Variants in UTRN observed in about 807,000 individuals in gnomAD.
UTRN encodes utrophin.
UTRN carries 283 observed loss-of-function variants against 463.9 expected under a neutral mutation model. The ratio of observed to expected loss-of-function variants is 0.61; its 90% CI spans 0.55 to 0.67. UTRN has a LOEUF of 0.67. Ranked by LOEUF, UTRN falls within the 30% of genes least tolerant of loss-of-function variation. UTRN has a pLI of 0.00. For missense variants in UTRN, 3,922 were observed against 4,084.3 expected, an observed-to-expected ratio of 0.96 and a Z score of 1.08; for synonymous variants, 1,442 against 1,431.5, an observed-to-expected ratio of 1.01 and a Z score of -0.17.
intron 34 of UTRN, among the ~76,000 whole-genome samples, chr6:144,502,474 T>C (rs897582240): frequency 6.6e-6 from 1 of 152,130 alleles, no homozygotes; most frequent in Non-Finnish European, 1.5e-5. Flanking sequence ...GTGTTCTCAT[T>C]GTTCAATTCC....
chr6:144,444,404 G>A, intron 14 of UTRN, 22 bp downstream of exon 14: 2 of 1,573,492 alleles, frequency 1.3e-6, no homozygotes, highest in East Asian at 2.3e-5. Flanking sequence ...TTTTCCATAA[G>A]GGGCAAAATA....
At chr6:144,660,151 G>A (rs985586879) in intron 51 of UTRN, 12 of 466,292 alleles carry the variant, frequency 2.6e-5, no homozygotes, top group African/African-American at 8.1e-5. Context: ...GAAAAGATAC[G>A]GTGTTTAGAA....
intron 51 of UTRN, among the ~76,000 whole-genome samples, chr6:144,580,015 G>C (rs1801813726): frequency 6.6e-6 from 1 of 152,144 alleles, no homozygotes; most frequent in Admixed American, 6.5e-5. Flanking sequence ...GATTGTTAGA[G>C]ATTTAGTACC....
chr6:144,815,353 G>A (rs1383069316), intron 65 of UTRN, among the ~76,000 whole-genome samples: 1 of 152,188 alleles, frequency 6.6e-6, no homozygotes, highest in African/African-American at 2.4e-5. Flanking sequence ...TGTCTAGAGG[G>A]TCAGAACTAA....
intron 65 of UTRN, among the ~76,000 whole-genome samples, chr6:144,813,157 T>A (rs1404788549): frequency 6.6e-6 from 1 of 150,838 alleles, no homozygotes; most frequent in Non-Finnish European, 1.5e-5. Context: ...TTGTTGTTGT[T>A]GTTTTATTTT....
At chr6:144,450,981 TG>T (rs1788226801) in intron 17 of UTRN, among the ~76,000 whole-genome samples, 1 of 151,990 alleles carries the variant, frequency 6.6e-6, no homozygotes, top group South Asian at 2.1e-4. Flanking sequence ...GGTGTGGTGG[TG>T]GGCACCTATA....
In UTRN at chr6:144,790,074, C is replaced by T. The variant is rs9390224; in HGVS notation, c.8920+795C>T. Reference sequence around the variant, plus strand: ...AAGCTGAAATTTAGCAAATTTTCTTCAACTGAAAAAATGAAGCTAATAATT... The same window carrying T: ...AAGCTGAAATTTAGCAAATTTTCTTTAACTGAAAAAATGAAGCTAATAATT... On this transcript the variant is annotated intron_variant, in intron 62 of 74. Coordinates refer to ENST00000367545, the MANE Select transcript of UTRN (RefSeq NM_007124.3). Among the ~76,000 whole-genome samples the T allele has an allele frequency of 1.5e-3, 233 of 152,116 alleles. 5 individuals are homozygous for T. The East Asian group carries it at 0.038, about 25-fold the overall frequency.
intron 2 of UTRN, among the ~76,000 whole-genome samples, chr6:144,359,679 C>T (rs1377038905): frequency 1.3e-5 from 2 of 151,228 alleles, no homozygotes; most frequent in South Asian, 2.1e-4. Flanking sequence ...ATTTGCATTG[C>T]CACATTTGAA....
At chr6:144,358,981 C>T (rs1778807578) in intron 2 of UTRN, among the ~76,000 whole-genome samples, 2 of 152,036 alleles carry the variant, frequency 1.3e-5, no homozygotes, top group South Asian at 4.2e-4. Flanking sequence ...AAGCATTTTC[C>T]ATTTTTTTCT....
chr6:144,350,812 T>G (rs1014091352), intron 2 of UTRN, among the ~76,000 whole-genome samples: 1 of 152,224 alleles, frequency 6.6e-6, no homozygotes, highest in Non-Finnish European at 1.5e-5. Context: ...TTTTGAGTTC[T>G]AAAATGGTTA....
At chr6:144,694,523 C>CT (rs1586058202) in intron 52 of UTRN, among the ~76,000 whole-genome samples, 3 of 151,514 alleles carry the variant, frequency 2.0e-5, no homozygotes. Flanking sequence ...TGGTCCTGGG[C>CT]TTTTTTTTGG....
chr6:144,754,966 A>G (rs1031509574), intron 57 of UTRN, among the ~76,000 whole-genome samples, 168 bp downstream of exon 57: 1 of 152,202 alleles, frequency 6.6e-6, no homozygotes, highest in Non-Finnish European at 1.5e-5. Context: ...ATTATTTGTA[A>G]TAACGTAATG....
chr6:144,500,723 A>T (rs1487804135), intron 34 of UTRN, among the ~76,000 whole-genome samples: 1 of 152,238 alleles, frequency 6.6e-6, no homozygotes, highest in African/African-American at 2.4e-5. Flanking sequence ...ATAGAATTTT[A>T]AAAAATCAAT....
intron 27 of UTRN, 23 bp downstream of exon 27, chr6:144,482,411 G>GTTA (rs113874319): frequency 0.025 from 25,336 of 999,844 alleles, 921 homozygotes; most frequent in African/African-American, 0.17. Context: ...TATTATTGTT[G>GTTA]TTATTATTAT....
At chr6:144,336,937 C>T (rs1047900079) in intron 2 of UTRN, among the ~76,000 whole-genome samples, 4 of 152,048 alleles carry the variant, frequency 2.6e-5, no homozygotes, top group African/African-American at 9.7e-5. Context: ...CGCCTGTGGC[C>T]CTGGCAGATT....
chr6:144,564,059 G>C (rs1585297017), intron 50 of UTRN, among the ~76,000 whole-genome samples: 1 of 152,010 alleles, frequency 6.6e-6, no homozygotes, highest in Non-Finnish European at 1.5e-5. Context: ...TATTTATTTA[G>C]CTTCCTATTT....
chr6:144,551,548 G>A (rs1798920826), intron 48 of UTRN, among the ~76,000 whole-genome samples: 2 of 152,096 alleles, frequency 1.3e-5, no homozygotes, highest in South Asian at 4.1e-4. Context: ...TTAATTTGGG[G>A]ATACTTTAGT....
rs970116452 is a variant in UTRN, at chr6:144,700,212, C to T, written c.7778C>T (p.Pro2593Leu). ...CAAATGCCTATTGGAGGAGATGTTC[C>T]AGCCTTACAGCTCCAGTATGACCAT... ...KKQMPIGGDVPALQLQYDHCK... is the reference protein window; with the variant it reads ...KKQMPIGGDVLALQLQYDHCK... The change falls in exon 53 of 75, where the codon CCA (proline) becomes CTA (leucine). Residue 2593 changes from proline (P) to leucine (L), a missense_variant. Coordinates refer to ENST00000367545, the MANE Select transcript of UTRN (RefSeq NM_007124.3). 2.5e-6 allele frequency: 4 copies of T among 1,613,182 alleles called. No individual in the cohort carries two copies. The highest frequency in any genetic ancestry group is 3.4e-6 in the Non-Finnish European group (4 of 1,179,484).
At chr6:144,545,142 A>G (rs1034500080) in intron 46 of UTRN, among the ~76,000 whole-genome samples, 1 of 152,224 alleles carries the variant, frequency 6.6e-6, no homozygotes, top group Non-Finnish European at 1.5e-5. Flanking sequence ...AGCAAGTAGC[A>G]TCATTTCCAT....
Sources: gnomAD v4.1 joint callset for allele counts (sites outside exome capture counted in the v4.1 genomes callset) on GRCh38, gnomAD v4.1.1 for gene constraint, MANE v1.5 for transcripts, NCBI Gene and HGNC (gene_info 2026-07-23, HGNC 2026-07-21) for gene names.